GAPVD1: variants seen among roughly 807,000 people sequenced by gnomAD.
The protein encoded by GAPVD1 is GTPase activating protein and VPS9 domains 1.
In GAPVD1, 35 loss-of-function variants were observed where a neutral mutation model predicts 155.5. The ratio of observed to expected loss-of-function variants is 0.23; its 90% CI spans 0.17 to 0.30. GAPVD1 has a LOEUF of 0.30. Ranked by LOEUF, GAPVD1 falls within the 10% of genes least tolerant of loss-of-function variation. The pLI is 1.00. For synonymous variants in GAPVD1, 636 were observed against 619.7 expected (o/e 1.03, Z -0.39); for missense variants, 1,429 against 1,775.7 (o/e 0.80, Z 3.51).
intron 11 of GAPVD1, among the ~76,000 whole-genome samples, 160 bp from the exon 12 acceptor site, chr9:125,326,256 G>A (rs781652389): frequency 1.3e-5 from 2 of 152,198 alleles, no homozygotes; most frequent in Admixed American, 6.5e-5. Flanking sequence ...AGTGGCTCAC[G>A]CCTGTAATCC....
At chr9:125,338,493 C>G (rs1342126532) in intron 17 of GAPVD1, among the ~76,000 whole-genome samples, 1 of 152,112 alleles carries the variant, frequency 6.6e-6, no homozygotes, top group Non-Finnish European at 1.5e-5. Flanking sequence ...GTTGTCATGC[C>G]TTTTTAGTCT....
Position 125,302,037 on chromosome 9 carries a change from A to G in GAPVD1, c.240A>G (p.Thr80=). 2.5e-6 allele frequency: 4 copies of G among 1,608,882 alleles called. No homozygotes were observed. The South Asian group carries it at 3.3e-5, about 13-fold the overall frequency. ...CCQHAKILED[T]QFVDGYKQLG... ...AACATGCCAAAATTTTGGAAGATACACAATTTGTTGATGGGTATAAGCAAT... is the reference window on the plus strand; with the variant it reads ...AACATGCCAAAATTTTGGAAGATACGCAATTTGTTGATGGGTATAAGCAAT... The change falls in exon 5 of 28, where the codon ACA becomes ACG. Residue 80 remains threonine, a synonymous_variant. Coordinates refer to ENST00000297933, the MANE Select transcript of GAPVD1 (RefSeq NM_001282680.3).
intron 10 of GAPVD1, among the ~76,000 whole-genome samples, chr9:125,322,641 A>G (rs565531692): frequency 6.6e-6 from 1 of 152,030 alleles, no homozygotes; most frequent in South Asian, 2.1e-4. Context: ...TTTGTAATTT[A>G]ACATTCTTAA....
At chr9:125,354,572 A>G (rs1719674427) in intron 23 of GAPVD1, 82 bp from the exon 24 acceptor site, 4 of 886,476 alleles carry the variant, frequency 4.5e-6, no homozygotes, top group Admixed American at 2.2e-5. Context: ...TAATTTTTCT[A>G]AAGAAAAGTT....
In GAPVD1 at chr9:125,349,525, T is replaced by C; in HGVS notation, c.3299+6T>C. 1.2e-6 allele frequency: 2 copies of C among 1,613,630 alleles called. No homozygotes were observed. Among genetic ancestry groups the C allele is most frequent in the South Asian group, 2.2e-5 (2 of 91,062 alleles). On this transcript the variant is annotated splice_donor_region_variant and intron_variant, in intron 21 of 27. Coordinates refer to ENST00000297933, the MANE Select transcript of GAPVD1 (RefSeq NM_001282680.3). ...GATTCAGCTTTCTCTTACAGGTATT[T>C]CTTTTATAGGATTTGGGACTTTAGG... is the stretch of plus-strand genomic sequence containing the variant.
intron 13 of GAPVD1, among the ~76,000 whole-genome samples, chr9:125,331,362 A>G (rs1846048190): frequency 6.6e-6 from 1 of 151,918 alleles, no homozygotes; most frequent in Non-Finnish European, 1.5e-5. Flanking sequence ...CACCACGCCT[A>G]GCTAGTTTTT....
At chr9:125,306,664 G>A (rs1336381868) in intron 6 of GAPVD1, among the ~76,000 whole-genome samples, 1 of 151,872 alleles carries the variant, frequency 6.6e-6, no homozygotes, top group Non-Finnish European at 1.5e-5. Flanking sequence ...GGCTAATTTT[G>A]GTATTTTTCA....
In GAPVD1 at chr9:125,360,514, A is replaced by G; in HGVS notation, c.4045-14A>G. The G allele has an allele frequency of 1.2e-6, 2 of 1,608,044 alleles. No individual in the cohort carries two copies. Among genetic ancestry groups the G allele is most frequent in the South Asian group, 1.1e-5 (1 of 90,886 alleles). Reference sequence around the variant, plus strand: ...TGGATTCAGAATCTGTATATTGTCTATGGTCTCACTTAGGTTTATCTTCGA... The same window carrying G: ...TGGATTCAGAATCTGTATATTGTCTGTGGTCTCACTTAGGTTTATCTTCGA... On this transcript the variant is annotated splice_polypyrimidine_tract_variant and intron_variant, in intron 26 of 27. Coordinates refer to ENST00000297933, the MANE Select transcript of GAPVD1 (RefSeq NM_001282680.3).
At position 125,330,220 on chromosome 9, in the gene GAPVD1, T is replaced by A; in HGVS notation, c.2173+2T>A. The A allele has an allele frequency of 6.3e-7, 1 of 1,585,338 alleles. No individual in the cohort carries two copies. The highest frequency in any genetic ancestry group is 1.1e-5 in the South Asian group (1 of 87,036). ...TAGAGGTATTGCCAAGTGACTCAGG[T>A]TAGTATGCTGTCATTGTTTGCTTTT... On this transcript the variant is annotated splice_donor_variant, in intron 13 of 27. Transcript: ENST00000297933. LOFTEE classifies it high-confidence loss of function.
Position 125,362,869 on chromosome 9 carries a change from T to G in GAPVD1, c.*123T>G, listed in dbSNP as rs1055088203. 4 of 748,412 alleles carry G rather than the reference T, an allele frequency of 5.3e-6. No homozygotes were observed. The highest frequency in any genetic ancestry group is 8.3e-6 in the Non-Finnish European group (4 of 484,182). 46.4% of individuals were successfully genotyped at this position (748,412 alleles called of 1,614,324 possible). On this transcript the variant is annotated 3_prime_UTR_variant, in exon 28 of 28. Coordinates refer to ENST00000297933, the MANE Select transcript of GAPVD1 (RefSeq NM_001282680.3). ...ATGATACTGCACAGCATCAGGCATTTTAAAGCAGATCTTTACTAAACAGGT... is the reference window on the plus strand; with the variant it reads ...ATGATACTGCACAGCATCAGGCATTGTAAAGCAGATCTTTACTAAACAGGT...
intron 8 of GAPVD1, among the ~76,000 whole-genome samples, chr9:125,311,357 C>G (rs760504849): frequency 6.6e-6 from 1 of 152,198 alleles, no homozygotes; most frequent in Non-Finnish European, 1.5e-5. Flanking sequence ...CACGGTGGCT[C>G]ATGCCTGTAA....
At chr9:125,296,417 C>T (rs1475857695) in intron 3 of GAPVD1, among the ~76,000 whole-genome samples, 4 of 140,678 alleles carry the variant, frequency 2.8e-5, no homozygotes, top group Middle Eastern at 3.7e-3. Context: ...TGCAGTGGCG[C>T]GATCTCAGCT....
intron 2 of GAPVD1, among the ~76,000 whole-genome samples, chr9:125,285,520 C>T (rs988978374): frequency 3.4e-5 from 5 of 146,960 alleles, no homozygotes; most frequent in Non-Finnish European, 5.9e-5. Context: ...TGTAGTGGCC[C>T]GATCTCGGGT....
At chr9:125,288,325 T>C (rs181383503) in intron 2 of GAPVD1, among the ~76,000 whole-genome samples, 1 of 152,184 alleles carries the variant, frequency 6.6e-6, no homozygotes, top group Non-Finnish European at 1.5e-5. Context: ...CTGGTCAGGC[T>C]GGTCTCAAAC....
At chr9:125,342,180 A>G (rs1036015916) in intron 18 of GAPVD1, 39 bp from the exon 19 acceptor site, 1 of 984,236 alleles carries the variant, frequency 1.0e-6, no homozygotes, top group African/African-American at 1.6e-5. Context: ...GTAGTGCAGT[A>G]TGTTATATGT....
Position 125,302,181 on chromosome 9 carries a change from T to A in GAPVD1, c.384T>A (p.Val128=), listed in dbSNP as rs1258892764. The A allele has an allele frequency of 6.2e-7, 1 of 1,613,902 alleles. No individual in the cohort carries two copies. Among genetic ancestry groups the A allele is most frequent in the Admixed American group, 1.7e-5 (1 of 60,008 alleles). ...EKLNQENTQS[V]IYTVFTSLYG... Reference sequence around the variant, plus strand: ...TTAATCAGGAGAACACACAAAGTGTTATTTACACAGTTTTTACCTCCCTGT... The same window carrying A: ...TTAATCAGGAGAACACACAAAGTGTAATTTACACAGTTTTTACCTCCCTGT... Residue 128 remains valine, a synonymous_variant, in exon 5 of 28, where the codon GTT becomes GTA. Coordinates refer to ENST00000297933, the MANE Select transcript of GAPVD1 (RefSeq NM_001282680.3).
At chr9:125,293,878 A>AAATATATTT (rs1564312023) in intron 2 of GAPVD1, among the ~76,000 whole-genome samples, 10 of 18,988 alleles carry the variant, frequency 5.3e-4, no homozygotes, top group African/African-American at 2.4e-3. Flanking sequence ...ATATATATAT[A>AAATATATTT]TATATATATA....
Position 125,312,486 on chromosome 9 carries a change from G to A in GAPVD1, c.1476G>A (p.Met492Ile), listed in dbSNP as rs753522913. 1.3e-6 allele frequency: 2 copies of A among 1,597,844 alleles called. No homozygotes were observed. Among genetic ancestry groups the A allele is most frequent in the Admixed American group, 3.6e-5 (2 of 55,896 alleles). ...TRSRSRTNML[M>I]DLHMDHEGSS... ...GCAGAAGCCGCACCAATATGCTAAT[G>A]GACCTACATATGGACCATGAAGGAT... The change falls in exon 9 of 28, where the codon ATG (methionine) becomes ATA (isoleucine). Residue 492 changes from methionine (M) to isoleucine (I), a missense_variant. By Grantham distance (10) the Met-to-Ile change is conservative. This residue lies in a region of GAPVD1 where 628 missense variants were observed against 733.4 expected (regional missense o/e 0.86). Transcript: ENST00000297933.
intron 9 of GAPVD1, among the ~76,000 whole-genome samples, chr9:125,320,841 T>A (rs1844222695): frequency 6.6e-6 from 1 of 152,148 alleles, no homozygotes; most frequent in African/African-American, 2.4e-5. Context: ...TTAGCCAGCA[T>A]GGTCTCGATC....
Sources: gnomAD v4.1 joint callset for allele counts (sites outside exome capture counted in the v4.1 genomes callset) on GRCh38, gnomAD v4.1.1 for gene constraint, gnomAD v4.1.1 regional missense constraint, MANE v1.5 for transcripts, NCBI Gene and HGNC (gene_info 2026-07-23, HGNC 2026-07-21) for gene names.